The following EXD1 variants were observed in gnomAD, a reference collection of about 807,000 sequenced individuals.
EXD1 encodes the protein piRNA biogenesis protein EXD1.
Under a neutral mutation model 49.1 loss-of-function variants are expected in EXD1, and 63 were observed. The observed-to-expected ratio is 1.28, with a 90% CI of 1.05 to 1.58. The LOEUF (loss-of-function observed/expected upper bound fraction) is 1.58, where lower values mean the gene tolerates loss of function less well. EXD1 is among the 40% of genes most tolerant of loss of function. The probability of loss-of-function intolerance (pLI) is 0.00; values close to 1 mark genes in which losing one functional copy is unlikely to be tolerated. For synonymous variants in EXD1, 234 were observed against 239.2 expected (o/e 0.98, Z 0.20); for missense variants, 748 against 666.0 (o/e 1.12, Z -1.36).
In EXD1 at chr15:41,191,484, A is replaced by G. The variant is rs1971131; in HGVS notation, c.822T>C (p.Pro274=). 311,684 of 1,611,040 alleles carry G rather than the reference A, an allele frequency of 0.19. 36,511 individuals are homozygous for G. The highest frequency in any genetic ancestry group is 0.52 in the African/African-American group (38,633 of 74,776). Residue 274 remains proline (P), a synonymous_variant, in exon 10 of 12, where the codon CCT becomes CCC. Coordinates refer to ENST00000458580, the MANE Select transcript of EXD1 (RefSeq NM_001286441.2). ...ESLIKHLQVA[P]KYLSFLEKRQ... ...TCTTTTCTAGAAAGGAGAGATATTT[A>G]GGGGCTACTTGAAGGTGTTTGATTA... is the stretch of plus-strand genomic sequence containing the variant.
chr15:41,217,121 A>G lies in EXD1; in HGVS notation c.236T>C (p.Val79Ala), dbSNP rs2047011668. Residue 79 changes from valine (V) to alanine (A), a missense_variant, in exon 4 of 12, where the codon GTG (valine) becomes GCG (alanine). By Grantham distance (64) the Val-to-Ala change is moderately conservative. Coordinates refer to ENST00000458580, the MANE Select transcript of EXD1 (RefSeq NM_001286441.2). Reference protein sequence around the residue: ...ELLDEVEQGSVRAKASSVSLH... With the variant: ...ELLDEVEQGSARAKASSVSLH... Reference sequence around the variant, plus strand: ...CCTAACAGAAGATGCTTTTGCTCTCACTGAGCCTTGTTCCACTTCATCTAG... The same window carrying G: ...CCTAACAGAAGATGCTTTTGCTCTCGCTGAGCCTTGTTCCACTTCATCTAG... 1 of 1,612,532 alleles carries G rather than the reference A, an allele frequency of 6.2e-7. No individual in the cohort carries two copies. Among genetic ancestry groups the G allele is most frequent in the Non-Finnish European group, 8.5e-7 (1 of 1,179,896 alleles).
At chr15:41,229,388 T>C (rs959342673) in intron 1 of EXD1, among the ~76,000 whole-genome samples, 1 of 151,220 alleles carries the variant, frequency 6.6e-6, no homozygotes, top group Non-Finnish European at 1.5e-5. Context: ...TGAGGCATGA[T>C]AATCCCTTGA....
chr15:41,209,647 T>G, intron 6 of EXD1, 60 bp from the exon 7 acceptor site: 1 of 1,420,534 alleles, frequency 7.0e-7, no homozygotes, highest in Non-Finnish European at 9.9e-7. Flanking sequence ...CATGATAACA[T>G]CATGATTGGC....
rs767648292 is a variant in EXD1, at chr15:41,183,967, G to T, written c.1683C>A (p.Ile561=). The T allele has an allele frequency of 1.1e-5, 18 of 1,607,330 alleles. No homozygotes were observed. Among genetic ancestry groups the T allele is most frequent in the African/African-American group, 2.7e-5 (2 of 74,626 alleles). ...TLPPCPALEK[I]DSWISPFLNL... is the part of the protein sequence containing the mutation. ...TTAGAAAAGGACTTATCCAGGAATC[G>T]ATCTTCTCCAAGGCTGGACAGGGAG... Residue 561 remains isoleucine (I), a synonymous_variant, in exon 12 of 12, where the codon ATC becomes ATA. Coordinates refer to ENST00000458580, the MANE Select transcript of EXD1 (RefSeq NM_001286441.2).
intron 7 of EXD1, among the ~76,000 whole-genome samples, chr15:41,197,360 T>A (rs1433029658): frequency 2.0e-5 from 3 of 151,818 alleles, no homozygotes; most frequent in African/African-American, 7.3e-5. Context: ...CCTGAGTAGC[T>A]GGGACTAAAG....
At chr15:41,198,465 G>C (rs904501279) in intron 7 of EXD1, among the ~76,000 whole-genome samples, 1 of 152,072 alleles carries the variant, frequency 6.6e-6, no homozygotes, top group South Asian at 2.1e-4. Flanking sequence ...GCCAAGGTAG[G>C]AGGATCTCTT....
At position 41,191,433 on chromosome 15, in the gene EXD1, T is replaced by TA. The variant is rs11371504; in HGVS notation, c.864+8dup. On this transcript the variant is annotated intron_variant, in intron 10 of 11. Transcript: ENST00000458580. ...AAATAATGTCATACAGGACATCCTT[T>TA]ACACCCACCTGAATTAGTTTTTGTC... 0.99 allele frequency: 1,591,251 copies of TA among 1,600,330 alleles called. 791,396 individuals are homozygous for TA. Among genetic ancestry groups the TA allele is most frequent in the East Asian group, 1 (44,770 of 44,774 alleles).
chr15:41,188,551 C>T (rs13329235), intron 11 of EXD1, among the ~76,000 whole-genome samples: 30,952 of 151,676 alleles, frequency 0.2, 3,529 homozygotes, highest in Non-Finnish European at 0.26. Flanking sequence ...CGCCACCATG[C>T]CCAGCTAATT....
rs78082451 is a variant in EXD1 at position 41,227,182 on chromosome 15, C to A, written c.-53-554G>T. Among the ~76,000 whole-genome samples the A allele has an allele frequency of 5.4e-3, 827 of 152,140 alleles. 19 individuals are homozygous for A. Among genetic ancestry groups the A allele is most frequent in the East Asian group, 0.052 (268 of 5,172 alleles). ...TTAAAGGAAATCAAGGCAAGTAGGACAATAGTGGTACATTGGGAAAAGAAC... is the reference window on the plus strand; with the variant it reads ...TTAAAGGAAATCAAGGCAAGTAGGAAAATAGTGGTACATTGGGAAAAGAAC... On this transcript the variant is annotated intron_variant, in intron 1 of 11. Transcript: ENST00000458580.
chr15:41,201,932 C>T (rs934551879), intron 7 of EXD1, among the ~76,000 whole-genome samples: 2 of 151,904 alleles, frequency 1.3e-5, no homozygotes, highest in African/African-American at 2.4e-5. Context: ...GTGGGAGGAT[C>T]GCTTAAGGCC....
At chr15:41,196,149 T>C in intron 7 of EXD1, 112 bp from the exon 8 acceptor site, 1 of 754,150 alleles carries the variant, frequency 1.3e-6, no homozygotes, top group Non-Finnish European at 2.1e-6. Flanking sequence ...CTTCACTTTA[T>C]TTATTTATTT....
chr15:41,191,464 T>A lies in EXD1; in HGVS notation c.842A>T (p.Glu281Val), dbSNP rs2046514155. Residue 281 changes from glutamate to valine, a missense_variant, in exon 10 of 12, where the codon GAA (glutamate) becomes GTA (valine). Physicochemically the swap from Glu to Val is moderately radical, Grantham distance 121 (BLOSUM62 -2). Coordinates refer to ENST00000458580, the MANE Select transcript of EXD1 (RefSeq NM_001286441.2). ...CACCTGAATTAGTTTTTGTCTCTTT[T>A]CTAGAAAGGAGAGATATTTAGGGGC... ...QVAPKYLSFLEKRQKLIQENP... is the reference protein window; with the variant it reads ...QVAPKYLSFLVKRQKLIQENP... 6.2e-7 allele frequency: 1 copy of A among 1,611,562 alleles called. No homozygotes were observed. The highest frequency in any genetic ancestry group is 1.3e-5 in the African/African-American group (1 of 74,772).
At chr15:41,185,597 T>A (rs1033712678) in intron 11 of EXD1, among the ~76,000 whole-genome samples, 1 of 152,072 alleles carries the variant, frequency 6.6e-6, no homozygotes, top group Non-Finnish European at 1.5e-5. Flanking sequence ...TACTGCAATC[T>A]CCACCTCCTG....
intron 1 of EXD1, among the ~76,000 whole-genome samples, chr15:41,227,472 C>T (rs751614254): frequency 2.0e-5 from 3 of 152,060 alleles, no homozygotes; most frequent in Admixed American, 6.6e-5. Context: ...GAGTTCCAGA[C>T]CAGCCTGACC....
rs59054803 is a variant in EXD1, at chr15:41,192,594, A to ATTTTTTT, written c.721-1016_721-1010dup. Among the ~76,000 whole-genome samples, 24 of 40,876 alleles carry ATTTTTTT rather than the reference A, an allele frequency of 5.9e-4. 6 individuals are homozygous for ATTTTTTT. The highest frequency in any genetic ancestry group is 3.6e-3 in the East Asian group (4 of 1,116). 26.8% of individuals were successfully genotyped at this position (40,876 alleles called of 152,430 possible). A position where few individuals can be genotyped will look rare whatever the true frequency, so the allele number is the denominator to read the frequency against. Reference sequence around the variant, plus strand: ...ACAGGCGTGAACCACTGCGCCAGGCATTTTTTTTTTTTTTTTTTTTTTTTT... The same window carrying ATTTTTTT: ...ACAGGCGTGAACCACTGCGCCAGGCATTTTTTTTTTTTTTTTTTTTTTTTTTTTTTTT... On this transcript the variant is annotated intron_variant, in intron 9 of 11. Transcript: ENST00000458580.
At position 41,212,210 on chromosome 15, in the gene EXD1, GA is replaced by G. The variant is rs1650338025; in HGVS notation, c.448-2624del. 3.3e-5 allele frequency among the ~76,000 whole-genome samples: 5 copies of G among 152,286 alleles called. No individual in the cohort carries two copies. The South Asian group carries it at 1.0e-3, about 32-fold the overall frequency. ...CACGCCTGTAGTCCCAGCACTTTGG[GA>G]GGCTGAGGCGGGCAGATCACGAGGT... On this transcript the variant is annotated intron_variant, in intron 6 of 11. Coordinates refer to ENST00000458580, the MANE Select transcript of EXD1 (RefSeq NM_001286441.2).
At chr15:41,193,704 C>A (rs1178612687) in intron 9 of EXD1, among the ~76,000 whole-genome samples, 2 of 151,894 alleles carry the variant, frequency 1.3e-5, no homozygotes, top group African/African-American at 4.8e-5. Context: ...TATGATCATG[C>A]CACTTCACTC....
At chr15:41,189,880 G>T (rs942798476) in intron 11 of EXD1, 57 bp downstream of exon 11, 6 of 1,538,088 alleles carry the variant, frequency 3.9e-6, no homozygotes, top group Non-Finnish European at 5.4e-6. Flanking sequence ...GTATCACTGT[G>T]TCTGCCTTCC....
chr15:41,195,831 A>G lies in EXD1; in HGVS notation c.664T>C (p.Ser222Pro). ...CCATACTGATGAGAGAGGCAATCAGAAAGCCAACGACAATCATGGATAACC... is the reference window on the plus strand; with the variant it reads ...CCATACTGATGAGAGAGGCAATCAGGAAGCCAACGACAATCATGGATAACC... ...LKVIHDCRWL[S>P]DCLSHQYGIL... is the part of the protein sequence containing the mutation. The change falls in exon 9 of 12, where the codon TCT becomes CCT. Residue 222 changes from serine to proline, a missense_variant. Ser to Pro is a moderately conservative substitution (Grantham distance 74). Transcript: ENST00000458580. 6.2e-7 allele frequency: 1 copy of G among 1,613,722 alleles called. No homozygotes were observed. The highest frequency in any genetic ancestry group is 1.3e-5 in the African/African-American group (1 of 75,026).
Sources: allele counts gnomAD v4.1 joint callset (sites outside exome capture counted in the v4.1 genomes callset), GRCh38; gene constraint gnomAD v4.1.1; transcripts MANE v1.5; gene names NCBI Gene and HGNC (gene_info 2026-07-23, HGNC 2026-07-21).